ZNF570: variants seen among roughly 807,000 people sequenced by gnomAD.
The protein encoded by ZNF570 is zinc finger protein 570.
ZNF570 carries 8 observed loss-of-function variants against 14.2 expected under a neutral mutation model. The observed-to-expected ratio is 0.56, with a 90% CI of 0.33 to 1.02. The LOEUF (loss-of-function observed/expected upper bound fraction) is 1.02, where lower values mean the gene tolerates loss of function less well. Among genes scored for constraint, ZNF570 ranks in the 50% least tolerant of loss-of-function variants. The pLI is 0.03. For missense variants in ZNF570, 559 were observed against 624.9 expected, an observed-to-expected ratio of 0.89 and a Z score of 1.12; for synonymous variants, 202 against 207.6, an observed-to-expected ratio of 0.97 and a Z score of 0.23.
Position 37,485,364 on chromosome 19 carries a change from C to A in ZNF570, c.*131C>A. 1 of 915,934 alleles carries A rather than the reference C, an allele frequency of 1.1e-6. No homozygotes were observed. Among genetic ancestry groups the A allele is most frequent in the Non-Finnish European group, 1.5e-6 (1 of 653,140 alleles). 56.7% of individuals were successfully genotyped at this position (915,934 alleles called of 1,614,324 possible). A position where few individuals can be genotyped will look rare whatever the true frequency, so the allele number is the denominator to read the frequency against. ...GGTTTTCCTGTATTTATTTTTGCTA[C>A]CTTTAAATCCATTTCCCACAATGCA... On this transcript the variant is annotated 3_prime_UTR_variant, in exon 5 of 5. Transcript: ENST00000330173.
At chr19:37,469,069 C>T, upstream of ZNF570, 1 of 1,007,862 alleles carries the variant, frequency 9.9e-7, no homozygotes, top group Non-Finnish European at 1.2e-6. Flanking sequence ...CGCACTTCCA[C>T]ACCAGCCCGT....
Position 37,488,592 on chromosome 19 carries a change from T to A in ZNF570, c.*3359T>A, listed in dbSNP as rs1308202813. On this transcript the variant is annotated 3_prime_UTR_variant, in exon 5 of 5. Coordinates refer to ENST00000330173, the MANE Select transcript of ZNF570 (RefSeq NM_144694.5). ...TGTGAGTATATGAGTCAGTTCTTAC[T>A]CTCTGTATCTTTCTGTATAAACTAT... is the stretch of plus-strand genomic sequence containing the variant. The A allele has an allele frequency of 3.3e-5, 5 of 152,156 alleles. No individual in the cohort carries two copies. The highest frequency in any genetic ancestry group is 5.9e-5 in the Non-Finnish European group (4 of 68,016). 9.4% of individuals were successfully genotyped at this position (152,156 alleles called of 1,614,324 possible). A position where few individuals can be genotyped will look rare whatever the true frequency, so the allele number is the denominator to read the frequency against.
chr19:37,477,288 C>CGTGTGTGTGTGTGTGT (rs71177457), intron 4 of ZNF570, among the ~76,000 whole-genome samples: 1 of 115,430 alleles, frequency 8.7e-6, no homozygotes, highest in Non-Finnish European at 1.8e-5. Flanking sequence ...GGGAGGTTGT[C>CGTGTGTGTGTGTGTGT]GTGTGTGTGT....
intron 2 of ZNF570, among the ~76,000 whole-genome samples, chr19:37,473,176 G>A (rs1187486690): frequency 6.6e-6 from 1 of 152,224 alleles, no homozygotes; most frequent in Non-Finnish European, 1.5e-5. Context: ...GCAGAGTGAA[G>A]GGATGAATGG....
chr19:37,476,857 A>T (rs972857488), intron 4 of ZNF570, among the ~76,000 whole-genome samples: 5 of 151,794 alleles, frequency 3.3e-5, no homozygotes, highest in Non-Finnish European at 2.9e-5. Context: ...TTACAGGCAC[A>T]TGCCACCACG....
chr19:37,468,189 C>A (rs1836428811), upstream of ZNF570: 1 of 539,888 alleles, frequency 1.9e-6, no homozygotes, highest in Non-Finnish European at 3.3e-6. Context: ...CGGGCTCAAG[C>A]GATTCTCTGC....
chr19:37,471,087 C>T (rs1173234222), intron 2 of ZNF570, among the ~76,000 whole-genome samples: 2 of 146,422 alleles, frequency 1.4e-5, no homozygotes, highest in Non-Finnish European at 3.0e-5. Context: ...GATCTAGGCT[C>T]ACTGCAAGCT....
At chr19:37,470,794 G>T (rs2041947777) in intron 2 of ZNF570, among the ~76,000 whole-genome samples, 1 of 147,674 alleles carries the variant, frequency 6.8e-6, no homozygotes. Context: ...CCACCTCCTG[G>T]GTTCAAACGA....
chr19:37,469,081 T>C, upstream of ZNF570: 1 of 1,024,614 alleles, frequency 9.8e-7, no homozygotes, highest in African/African-American at 1.7e-5. Context: ...CCAGCCCGTG[T>C]AGTGTGACGC....
At chr19:37,474,228 G>C (rs1273199187) in intron 2 of ZNF570, among the ~76,000 whole-genome samples, 1 of 152,110 alleles carries the variant, frequency 6.6e-6, no homozygotes, top group Non-Finnish European at 1.5e-5. Context: ...CTCCTATGTT[G>C]ACATAGAAAT....
chr19:37,468,978 A>C, upstream of ZNF570: 3 of 895,762 alleles, frequency 3.3e-6, no homozygotes, highest in Non-Finnish European at 4.0e-6. Flanking sequence ...CCCACGCACA[A>C]ACCTTTTCCC....
chr19:37,476,080 G>T, intron 3 of ZNF570, 73 bp downstream of exon 3: 1 of 1,531,154 alleles, frequency 6.5e-7, no homozygotes. Flanking sequence ...GTGAATTTTT[G>T]GATAATATCT....
In ZNF570 at chr19:37,476,423, G is replaced by T. The variant is rs752142801; in HGVS notation, c.245G>T (p.Gly82Val). ...PWMVKRELTK[G>V]LCSGWEPICE... ...ATGGTGAAGAGAGAGCTGACAAAAGGCTTGTGCTCAGGTTAGTGAAGAGGA... is the reference window on the plus strand; with the variant it reads ...ATGGTGAAGAGAGAGCTGACAAAAGTCTTGTGCTCAGGTTAGTGAAGAGGA... The change falls in exon 4 of 5, where the codon GGC (glycine) becomes GTC (valine). Residue 82 changes from glycine to valine, a missense_variant. By Grantham distance (109) the Gly-to-Val change is moderately radical (BLOSUM62 -3). Transcript: ENST00000330173. The T allele has an allele frequency of 5.6e-6, 9 of 1,613,758 alleles. No homozygotes were observed. The highest frequency in any genetic ancestry group is 2.7e-5 in the African/African-American group (2 of 74,886).
At chr19:37,473,681 T>C (rs2041994451) in intron 2 of ZNF570, among the ~76,000 whole-genome samples, 1 of 151,872 alleles carries the variant, frequency 6.6e-6, no homozygotes, top group South Asian at 2.1e-4. Context: ...TGTAGAAGCG[T>C]AGAGGATGAG....
At chr19:37,481,449 G>T (rs546822578) in intron 4 of ZNF570, among the ~76,000 whole-genome samples, 2 of 152,142 alleles carry the variant, frequency 1.3e-5, no homozygotes, top group Non-Finnish European at 2.9e-5. Context: ...CATTGTGCCC[G>T]GTGACAGATT....
Position 37,488,600 on chromosome 19 carries a change from T to C in ZNF570, c.*3367T>C, listed in dbSNP as rs1411437729. The C allele has an allele frequency of 6.6e-6, 1 of 152,166 alleles. No individual in the cohort carries two copies. Among genetic ancestry groups the C allele is most frequent in the Non-Finnish European group, 1.5e-5 (1 of 68,034 alleles). 9.4% of individuals were successfully genotyped at this position (152,166 alleles called of 1,614,324 possible). On this transcript the variant is annotated 3_prime_UTR_variant, in exon 5 of 5. Coordinates refer to ENST00000330173, the MANE Select transcript of ZNF570 (RefSeq NM_144694.5). ...TATGAGTCAGTTCTTACTCTCTGTATCTTTCTGTATAAACTATTTCATAAT... is the reference window on the plus strand; with the variant it reads ...TATGAGTCAGTTCTTACTCTCTGTACCTTTCTGTATAAACTATTTCATAAT...
At chr19:37,481,079 G>T (rs915066656) in intron 4 of ZNF570, among the ~76,000 whole-genome samples, 18 of 151,554 alleles carry the variant, frequency 1.2e-4, no homozygotes, top group African/African-American at 4.4e-4. Context: ...TTTTATTGTT[G>T]TTATGTTTTG....
At chr19:37,480,412 A>G (rs1033563635) in intron 4 of ZNF570, among the ~76,000 whole-genome samples, 11 of 152,128 alleles carry the variant, frequency 7.2e-5, no homozygotes, top group Non-Finnish European at 1.2e-4. Flanking sequence ...TGAACCCAGG[A>G]GGTGGAGGTT....
At position 37,470,400 on chromosome 19, in the gene ZNF570, T is replaced by C. The variant is rs760979246; in HGVS notation, c.33+13T>C. On this transcript the variant is annotated intron_variant, in intron 2 of 4. Coordinates refer to ENST00000330173, the MANE Select transcript of ZNF570 (RefSeq NM_144694.5). ...AGCCATGTACCAGGTGTGTTGGTGT[T>C]TTCTCGATTTCCTGAATACCTGTCT... 4.7e-5 allele frequency: 75 copies of C among 1,611,722 alleles called. No individual in the cohort carries two copies. Among genetic ancestry groups the C allele is most frequent in the Middle Eastern group, 3.3e-4 (2 of 6,078 alleles).
Sources: gnomAD v4.1 joint callset for allele counts (sites outside exome capture counted in the v4.1 genomes callset) on GRCh38, gnomAD v4.1.1 for gene constraint, MANE v1.5 for transcripts, NCBI Gene and HGNC (gene_info 2026-07-23, HGNC 2026-07-21) for gene names.